The following CHST11 variants were observed in gnomAD, a reference collection of about 807,000 sequenced individuals.
CHST11 encodes the protein carbohydrate sulfotransferase 11.
A neutral mutation model predicts 30.4 loss-of-function variants in CHST11; 9 were observed. The observed-to-expected ratio is 0.30, with a 90% CI of 0.18 to 0.52. The LOEUF (loss-of-function observed/expected upper bound fraction) is 0.52, where lower values mean the gene tolerates loss of function less well. Among genes scored for constraint, CHST11 ranks in the 20% least tolerant of loss-of-function variants. The pLI is 0.97. For missense variants in CHST11, 348 were observed against 460.6 expected, an observed-to-expected ratio of 0.76 and a Z score of 2.24; for synonymous variants, 152 against 187.8, an observed-to-expected ratio of 0.81 and a Z score of 1.56.
chr12:104,749,009 A>G (rs965647893), intron 2 of CHST11, among the ~76,000 whole-genome samples: 12 of 152,234 alleles, frequency 7.9e-5, no homozygotes, highest in African/African-American at 2.7e-4. Flanking sequence ...TCGGCTAAAT[A>G]TAAACTTTCT....
At chr12:104,611,493 A>G (rs2039059268) in intron 2 of CHST11, among the ~76,000 whole-genome samples, 1 of 152,206 alleles carries the variant, frequency 6.6e-6, no homozygotes, top group Non-Finnish European at 1.5e-5. Flanking sequence ...GGAAGGAGCT[A>G]TGTCTTTCTT....
chr12:104,669,635 C>CGAG (rs1158127981), intron 2 of CHST11, among the ~76,000 whole-genome samples: 1 of 152,210 alleles, frequency 6.6e-6, no homozygotes, highest in Non-Finnish European at 1.5e-5. Context: ...GCGCAGTAAA[C>CGAG]GAGGTCAGAG....
intron 1 of CHST11, chr12:104,591,610 A>T (rs2038859192): frequency 6.5e-6 from 1 of 153,428 alleles, no homozygotes; most frequent in African/African-American, 2.4e-5. Context: ...TCCATTCATA[A>T]GCACCCTCAA....
chr12:104,657,986 A>T (rs1170741529), intron 2 of CHST11, among the ~76,000 whole-genome samples: 2 of 152,206 alleles, frequency 1.3e-5, no homozygotes, highest in Non-Finnish European at 2.9e-5. Context: ...AGCAGTGTTC[A>T]GGGACGCAGC....
chr12:104,544,743 T>A (rs1336649882), intron 1 of CHST11, among the ~76,000 whole-genome samples: 1 of 94,916 alleles, frequency 1.1e-5, no homozygotes, highest in Non-Finnish European at 2.2e-5. Flanking sequence ...ATTTGAGCAG[T>A]CAATGATGTG....
chr12:104,532,735 C>T (rs1241588131), intron 1 of CHST11, among the ~76,000 whole-genome samples: 5 of 152,154 alleles, frequency 3.3e-5, no homozygotes, highest in Non-Finnish European at 7.3e-5. Flanking sequence ...TGAGACAGAG[C>T]CTTATGGTTA....
chr12:104,580,213 GA>G (rs2038727856), intron 1 of CHST11, among the ~76,000 whole-genome samples: 1 of 152,218 alleles, frequency 6.6e-6, no homozygotes, highest in Non-Finnish European at 1.5e-5. Flanking sequence ...TTGTTTACAA[GA>G]AGGAAGATTT....
At chr12:104,553,918 C>T (rs2038430242) in intron 1 of CHST11, among the ~76,000 whole-genome samples, 1 of 152,106 alleles carries the variant, frequency 6.6e-6, no homozygotes, top group African/African-American at 2.4e-5. Flanking sequence ...TCTCTCTGGC[C>T]TCAGTGAAGG....
At chr12:104,516,478 C>T (rs1455191025) in intron 1 of CHST11, among the ~76,000 whole-genome samples, 2 of 151,988 alleles carry the variant, frequency 1.3e-5, no homozygotes, top group Non-Finnish European at 2.9e-5. Flanking sequence ...TTATGTGAAG[C>T]AATGAGGTGG....
intron 2 of CHST11, among the ~76,000 whole-genome samples, chr12:104,641,792 G>A (rs1044775375): frequency 2.0e-5 from 3 of 152,228 alleles, no homozygotes; most frequent in East Asian, 1.9e-4. Flanking sequence ...CAGTGCTGAC[G>A]GGGGCACTCA....
At chr12:104,670,769 T>A (rs2039688011) in intron 2 of CHST11, among the ~76,000 whole-genome samples, 1 of 139,354 alleles carries the variant, frequency 7.2e-6, no homozygotes, top group South Asian at 2.3e-4. Flanking sequence ...CACAAACCAA[T>A]ACACACCCAC....
At chr12:104,718,474 T>C (rs2040148661) in intron 2 of CHST11, among the ~76,000 whole-genome samples, 1 of 152,244 alleles carries the variant, frequency 6.6e-6, no homozygotes, top group African/African-American at 2.4e-5. Flanking sequence ...CAGCCCAGTG[T>C]CACTCAGCTG....
At chr12:104,644,581 C>G (rs2039408186) in intron 2 of CHST11, among the ~76,000 whole-genome samples, 1 of 152,270 alleles carries the variant, frequency 6.6e-6, no homozygotes, top group Non-Finnish European at 1.5e-5. Context: ...GGGGAGCTTT[C>G]CTGCTTCTGG....
chr12:104,511,541 A>G (rs2037966072), intron 1 of CHST11, among the ~76,000 whole-genome samples: 1 of 152,162 alleles, frequency 6.6e-6, no homozygotes, highest in South Asian at 2.1e-4. Flanking sequence ...GGCCCATTTC[A>G]TGGCTTTTTT....
intron 1 of CHST11, among the ~76,000 whole-genome samples, chr12:104,522,774 G>T (rs377252870): frequency 1.1e-4 from 17 of 152,042 alleles, no homozygotes; most frequent in African/African-American, 4.1e-4. Context: ...GAATCACTGC[G>T]CCTGGTCCTA....
chr12:104,736,034 G>A (rs1269515284), intron 2 of CHST11, among the ~76,000 whole-genome samples: 1 of 152,140 alleles, frequency 6.6e-6, no homozygotes, highest in African/African-American at 2.4e-5. Flanking sequence ...GGGAACCTGG[G>A]CAGACAGCAG....
At chr12:104,459,983 G>A (rs1382690389) in intron 1 of CHST11, among the ~76,000 whole-genome samples, 1 of 152,300 alleles carries the variant, frequency 6.6e-6, no homozygotes, top group South Asian at 2.1e-4. Flanking sequence ...ATCATTACAC[G>A]GGGCATAAAA....
chr12:104,566,400 G>T (rs1300706655), intron 1 of CHST11, among the ~76,000 whole-genome samples: 4 of 152,144 alleles, frequency 2.6e-5, no homozygotes, highest in Admixed American at 1.3e-4. Flanking sequence ...CAAAATGAAA[G>T]CCACTCATAA....
intron 1 of CHST11, among the ~76,000 whole-genome samples, chr12:104,566,049 C>T (rs188444189): frequency 6.6e-6 from 1 of 152,338 alleles, no homozygotes; most frequent in African/African-American, 2.4e-5. Context: ...TCTAGATTCT[C>T]TGGACACACT....
Sources: allele counts gnomAD v4.1 joint callset (sites outside exome capture counted in the v4.1 genomes callset), GRCh38; gene constraint gnomAD v4.1.1; transcripts MANE v1.5; gene names NCBI Gene and HGNC (gene_info 2026-07-23, HGNC 2026-07-21).